Variants in ACBD3 observed in about 807,000 individuals in gnomAD.
The protein encoded by ACBD3 is acyl-CoA binding domain containing 3.
In ACBD3, 30 loss-of-function variants were observed where a neutral mutation model predicts 66.9. That is an observed-to-expected ratio of 0.45 (90% CI 0.34 to 0.61). The LOEUF (loss-of-function observed/expected upper bound fraction) is 0.61, where lower values mean the gene tolerates loss of function less well. Among genes scored for constraint, ACBD3 ranks in the 20% least tolerant of loss-of-function variants. ACBD3 has a pLI of 0.02. For synonymous variants in ACBD3, 278 were observed against 259.8 expected, an observed-to-expected ratio of 1.07 and a Z score of -0.68; for missense variants, 544 against 664.5, an observed-to-expected ratio of 0.82 and a Z score of 1.99.
intron 4 of ACBD3, among the ~76,000 whole-genome samples, chr1:226,161,072 C>T (rs1024905189): frequency 6.6e-6 from 1 of 151,838 alleles, no homozygotes. Flanking sequence ...ACAGAGAGCG[C>T]AACCAAGCAA....
Position 226,150,007 on chromosome 1 carries a change from G to C in ACBD3, c.1375+2328C>G, listed in dbSNP as rs189268781. ...ACATGAGAAAACAGTAGTGCCCCCTGGCTAATCTGCTACAGTCCTGCTCTC... is the reference window on the plus strand; with the variant it reads ...ACATGAGAAAACAGTAGTGCCCCCTCGCTAATCTGCTACAGTCCTGCTCTC... On this transcript the variant is annotated intron_variant, in intron 7 of 7. Coordinates refer to ENST00000366812, the MANE Select transcript of ACBD3 (RefSeq NM_022735.4). Among the ~76,000 whole-genome samples the C allele has an allele frequency of 5.3e-5, 8 of 151,318 alleles. No homozygotes were observed. In the East Asian group the frequency reaches 1.4e-3, roughly 26 times the overall value.
chr1:226,161,803 C>T (rs900457707), intron 3 of ACBD3, 114 bp from the exon 4 acceptor site: 1 of 1,244,750 alleles, frequency 8.0e-7, no homozygotes. Flanking sequence ...TGGATATATA[C>T]ATCAAAATTT....
intron 1 of ACBD3, among the ~76,000 whole-genome samples, chr1:226,173,752 CTTTTCTT>C (rs1655923803): frequency 2.7e-5 from 3 of 112,976 alleles, no homozygotes; most frequent in Non-Finnish European, 3.6e-5. Flanking sequence ...CTTTTTTTTT[CTTTTCTT>C]TTTTTTTTTT....
chr1:226,163,108 C>T (rs778948992), intron 3 of ACBD3, among the ~76,000 whole-genome samples: 30 of 152,242 alleles, frequency 2.0e-4, no homozygotes, highest in Middle Eastern at 3.4e-3. Flanking sequence ...TGAGCCACTG[C>T]ACCCGGCCAT....
chr1:226,166,574 C>G (rs1659881885), intron 1 of ACBD3, among the ~76,000 whole-genome samples: 2 of 151,730 alleles, frequency 1.3e-5, no homozygotes, highest in South Asian at 4.2e-4. Context: ...CAGCCTCAAC[C>G]TGCTGAGCTT....
At chr1:226,184,565 A>G (rs66520928) in intron 1 of ACBD3, among the ~76,000 whole-genome samples, 21,267 of 152,180 alleles carry the variant, frequency 0.14, 1,677 homozygotes, top group Middle Eastern at 0.22. Context: ...ATCATATTTT[A>G]TAGAATCCAG....
At chr1:226,180,810 C>T (rs1319768874) in intron 1 of ACBD3, among the ~76,000 whole-genome samples, 1 of 152,162 alleles carries the variant, frequency 6.6e-6, no homozygotes, top group African/African-American at 2.4e-5. Flanking sequence ...ACCAGCCTGA[C>T]TAACATGGTG....
chr1:226,161,510 T>G, intron 4 of ACBD3, 21 bp downstream of exon 4: 1 of 1,609,052 alleles, frequency 6.2e-7, no homozygotes, highest in Non-Finnish European at 8.5e-7. Flanking sequence ...TTTTAAAACA[T>G]AAGCCACATA....
chr1:226,165,738 CAA>C, intron 2 of ACBD3, 119 bp downstream of exon 2: 1 of 1,184,758 alleles, frequency 8.4e-7, no homozygotes, highest in East Asian at 2.7e-5. Context: ...AAGCTGCAAG[CAA>C]AAATGTTCAG....
chr1:226,172,388 C>G (rs555434957), intron 1 of ACBD3, among the ~76,000 whole-genome samples: 1 of 152,126 alleles, frequency 6.6e-6, no homozygotes, highest in East Asian at 1.9e-4. Flanking sequence ...CCCATTTACT[C>G]TTTTATGCAC....
chr1:226,151,808 C>G (rs954523827), intron 7 of ACBD3, among the ~76,000 whole-genome samples: 1 of 152,038 alleles, frequency 6.6e-6, no homozygotes, highest in African/African-American at 2.4e-5. Flanking sequence ...GAGTTCGAGA[C>G]CAGCCTGACC....
chr1:226,180,190 A>AG lies in ACBD3; in HGVS notation c.286+6199dup, dbSNP rs1464635664. On this transcript the variant is annotated intron_variant, in intron 1 of 7. Coordinates refer to ENST00000366812, the MANE Select transcript of ACBD3 (RefSeq NM_022735.4). ...TGTCTCCCAAAAAAAAAAAAAAAAA[A>AG]GGATAATACAATGCAGTATTCCTAA... Among the ~76,000 whole-genome samples the AG allele has an allele frequency of 3.4e-3, 519 of 151,224 alleles. 1 individual carries two copies. Among genetic ancestry groups the AG allele is most frequent in the African/African-American group, 0.012 (492 of 41,032 alleles).
chr1:226,147,269 AGTTC>A (rs1450355339), intron 7 of ACBD3, among the ~76,000 whole-genome samples: 4 of 152,164 alleles, frequency 2.6e-5, no homozygotes, highest in African/African-American at 7.2e-5. Context: ...AGCATTTATT[AGTTC>A]GTTCATTCAT....
intron 7 of ACBD3, among the ~76,000 whole-genome samples, chr1:226,150,289 T>G (rs2102773904): frequency 6.6e-6 from 1 of 152,168 alleles, no homozygotes; most frequent in Non-Finnish European, 1.5e-5. Context: ...CCCAGACTGG[T>G]CTTAAACTTC....
At chr1:226,166,970 A>G (rs1174817217) in intron 1 of ACBD3, among the ~76,000 whole-genome samples, 1 of 150,964 alleles carries the variant, frequency 6.6e-6, no homozygotes, top group East Asian at 2.0e-4. Context: ...TTAATTTTTT[A>G]CTTTTTGCAG....
intron 1 of ACBD3, among the ~76,000 whole-genome samples, chr1:226,168,081 ATATAT>A (rs1339984538): frequency 1.3e-5 from 2 of 152,174 alleles, no homozygotes; most frequent in East Asian, 1.9e-4. Context: ...TGAACCCTAC[ATATAT>A]TATGTTTTTC....
intron 1 of ACBD3, among the ~76,000 whole-genome samples, chr1:226,176,306 T>C (rs1024072580): frequency 1.3e-5 from 2 of 151,694 alleles, no homozygotes; most frequent in Non-Finnish European, 2.9e-5. Flanking sequence ...GTGCCTGTAT[T>C]CCCAGCTATT....
Position 226,152,611 on chromosome 1 carries a change from G to C in ACBD3, c.1099C>G (p.Pro367Ala). The C allele has an allele frequency of 6.2e-7, 1 of 1,613,606 alleles. No individual in the cohort carries two copies. The highest frequency in any genetic ancestry group is 8.5e-7 in the Non-Finnish European group (1 of 1,179,716). The change falls in exon 7 of 8, where the codon CCA (proline) becomes GCA (alanine). Residue 367 changes from proline to alanine, a missense_variant. By Grantham distance (27) the Pro-to-Ala change is conservative (BLOSUM62 -1). This residue lies in a region of ACBD3 where 383 missense variants were observed against 462.4 expected (regional missense o/e 0.83). Transcript: ENST00000366812. ...ALENGPKESLPVIAAPSMWTR... is the reference protein window; with the variant it reads ...ALENGPKESLAVIAAPSMWTR... Reference sequence around the variant, plus strand: ...CACATGGATGGAGCTGCTATTACTGGAAGAGATTCTAAAGGCAATAGGTAT... The same window carrying C: ...CACATGGATGGAGCTGCTATTACTGCAAGAGATTCTAAAGGCAATAGGTAT...
chr1:226,163,023 A>C, intron 3 of ACBD3, among the ~76,000 whole-genome samples: 1 of 151,522 alleles, frequency 6.6e-6, no homozygotes, highest in Admixed American at 6.6e-5. Context: ...CTGGTCCTGA[A>C]CTCTTGGACT....
Sources: gnomAD v4.1 joint callset for allele counts (sites outside exome capture counted in the v4.1 genomes callset) on GRCh38, gnomAD v4.1.1 for gene constraint, gnomAD v4.1.1 regional missense constraint, MANE v1.5 for transcripts, NCBI Gene and HGNC (gene_info 2026-07-23, HGNC 2026-07-21) for gene names.